Variants in CNTNAP3 observed in about 807,000 individuals in gnomAD.
CNTNAP3 encodes the protein contactin associated protein family member 3, also known as contactin-associated protein-like 3.
A neutral mutation model predicts 92.1 loss-of-function variants in CNTNAP3; 36 were observed. The observed-to-expected ratio is 0.39, with a 90% CI of 0.30 to 0.52. CNTNAP3 has a LOEUF of 0.52. Among genes scored for constraint, CNTNAP3 ranks in the 20% least tolerant of loss-of-function variants. The pLI is 0.76. For synonymous variants in CNTNAP3, 232 were observed against 422.3 expected (o/e 0.55, Z 5.53); for missense variants, 534 against 1,069.6 (o/e 0.50, Z 6.98).
At chr9:39,089,957 TGA>T (rs1336086464) in intron 18 of CNTNAP3, among the ~76,000 whole-genome samples, 1 of 152,192 alleles carries the variant, frequency 6.6e-6, no homozygotes, top group Non-Finnish European at 1.5e-5. Flanking sequence ...TTTGTTTTCT[TGA>T]GACAGAGTCT....
At chr9:39,154,811 G>A (rs751042739) in intron 9 of CNTNAP3, 15 of 183,516 alleles carry the variant, frequency 8.2e-5, no homozygotes, top group East Asian at 3.6e-4. Flanking sequence ...GCAGAAGCGC[G>A]GCTTCCGGGA....
At chr9:39,120,894 A>G (rs1316993806) in intron 13 of CNTNAP3, among the ~76,000 whole-genome samples, 3 of 152,160 alleles carry the variant, frequency 2.0e-5, no homozygotes, top group African/African-American at 7.2e-5. Flanking sequence ...ATGATAATTG[A>G]CACAAAAATT....
chr9:39,091,073 T>C (rs1045374364), intron 18 of CNTNAP3, among the ~76,000 whole-genome samples: 2 of 152,216 alleles, frequency 1.3e-5, no homozygotes, highest in Non-Finnish European at 2.9e-5. Context: ...TTTTAATAGT[T>C]CTAAGTAGAT....
rs1284331545 is a variant in CNTNAP3, at chr9:39,069,842, C to T, written c.*4048G>A. 1.3e-5 allele frequency among the ~76,000 whole-genome samples: 2 copies of T among 152,128 alleles called. No homozygotes were observed. The highest frequency in any genetic ancestry group is 4.8e-5 in the African/African-American group (2 of 41,454). On this transcript the variant is annotated 3_prime_UTR_variant, in exon 24 of 24. Coordinates refer to ENST00000297668, the MANE Select transcript of CNTNAP3 (RefSeq NM_033655.5). The stretch of plus-strand genomic sequence containing the variant: ...TGTGAAGGAAGAGAAAAGCGTTGGA[C>T]TCTATGATATTTAATGTCTTTACCA...
At chr9:39,109,044 C>G (rs980269707) in intron 15 of CNTNAP3, 116 bp downstream of exon 15, 2 of 1,447,572 alleles carry the variant, frequency 1.4e-6, no homozygotes, top group East Asian at 5.0e-5. Flanking sequence ...CTGATATTCG[C>G]CCCAGTCCTA....
intron 12 of CNTNAP3, among the ~76,000 whole-genome samples, chr9:39,135,463 T>C (rs1293545602): frequency 7.2e-5 from 11 of 152,078 alleles, no homozygotes; most frequent in African/African-American, 2.2e-4. Context: ...CACTGGAGGC[T>C]GTCTCACTAG....
chr9:39,100,258 GTCAAAA>G, intron 17 of CNTNAP3, 108 bp from the exon 18 acceptor site: 5 of 1,543,026 alleles, frequency 3.2e-6, no homozygotes, highest in Non-Finnish European at 3.5e-6. Flanking sequence ...ATCACAATGT[GTCAAAA>G]AATTTTGTGA....
intron 13 of CNTNAP3, among the ~76,000 whole-genome samples, chr9:39,119,355 C>CAAA (rs35344011): frequency 0.034 from 3,391 of 101,164 alleles, 104 homozygotes; most frequent in East Asian, 0.11. Context: ...GCCCCTCTGC[C>CAAA]AAAAAAAAAA....
In CNTNAP3 at chr9:39,132,774, G is replaced by A. The variant is rs1010780961; in HGVS notation, c.2080+158C>T. On this transcript the variant is annotated intron_variant, in intron 13 of 23. Transcript: ENST00000297668. ...GGAAGGCGCTCTTGAATGCTCTTTG[G>A]TCCAACCAAGAGCGGGAAGAGAAGG... Among the ~76,000 whole-genome samples the A allele has an allele frequency of 3.0e-4, 45 of 152,130 alleles. 1 individual carries two copies. Among genetic ancestry groups the A allele is most frequent in the Admixed American group, 2.7e-3 (41 of 15,274 alleles).
At position 39,112,402 on chromosome 9, in the gene CNTNAP3, G is replaced by T. The variant is rs539786254; in HGVS notation, c.2238-3115C>A. On this transcript the variant is annotated intron_variant, in intron 14 of 23. Transcript: ENST00000297668. Reference sequence around the variant, plus strand: ...TTCTTTGAGACAGAGTCTCACTCTTGTCGCCCAGGTTGGAGTGCAATGGTG... The same window carrying T: ...TTCTTTGAGACAGAGTCTCACTCTTTTCGCCCAGGTTGGAGTGCAATGGTG... Among the ~76,000 whole-genome samples, 19 of 151,652 alleles carry T rather than the reference G, an allele frequency of 1.3e-4. No individual in the cohort carries two copies. The South Asian group carries it at 3.3e-3, about 27-fold the overall frequency.
intron 13 of CNTNAP3, among the ~76,000 whole-genome samples, chr9:39,121,194 G>A (rs565126840): frequency 2.0e-5 from 3 of 151,748 alleles, no homozygotes; most frequent in South Asian, 2.1e-4. Context: ...AACATAGGCA[G>A]GTTAAAAGTA....
At chr9:39,075,757 A>G (rs1385559276) in intron 23 of CNTNAP3, among the ~76,000 whole-genome samples, 1 of 152,296 alleles carries the variant, frequency 6.6e-6, no homozygotes, top group East Asian at 1.9e-4. Flanking sequence ...CCACAAATGT[A>G]TTGTTGAAGA....
At chr9:39,120,131 A>T (rs1820977688) in intron 13 of CNTNAP3, among the ~76,000 whole-genome samples, 1 of 152,214 alleles carries the variant, frequency 6.6e-6, no homozygotes, top group Admixed American at 6.5e-5. Flanking sequence ...TAAACCCAAA[A>T]ATATCGACAC....
intron 18 of CNTNAP3, among the ~76,000 whole-genome samples, chr9:39,089,995 A>AGTGG (rs2118435657): frequency 6.6e-6 from 1 of 152,236 alleles, no homozygotes; most frequent in Non-Finnish European, 1.5e-5. Flanking sequence ...GCTGGAGTGC[A>AGTGG]GTGGCGTGAT....
chr9:39,090,655 T>C (rs888295038), intron 18 of CNTNAP3, among the ~76,000 whole-genome samples: 15 of 152,414 alleles, frequency 9.8e-5, no homozygotes, highest in African/African-American at 3.6e-4. Flanking sequence ...ATCAAATTTC[T>C]TCTTCTTAAA....
intron 21 of CNTNAP3, among the ~76,000 whole-genome samples, chr9:39,082,358 CA>C (rs1258970413): frequency 1.3e-5 from 2 of 151,692 alleles, no homozygotes; most frequent in Non-Finnish European, 2.9e-5. Context: ...CAAGTTAGAA[CA>C]ATCTTAGAAT....
At chr9:39,094,364 T>C (rs1382903973) in intron 18 of CNTNAP3, among the ~76,000 whole-genome samples, 2 of 151,688 alleles carry the variant, frequency 1.3e-5, no homozygotes, top group South Asian at 2.1e-4. Context: ...TTAATTTTGA[T>C]AAAGTCCAAA....
intron 13 of CNTNAP3, among the ~76,000 whole-genome samples, chr9:39,121,183 A>G (rs1318149730): frequency 1.3e-5 from 2 of 152,096 alleles, no homozygotes; most frequent in Non-Finnish European, 2.9e-5. Flanking sequence ...ACTTCAAAAT[A>G]AACATAGGCA....
At chr9:39,107,381 A>AGAGG (rs556174132) in intron 15 of CNTNAP3, among the ~76,000 whole-genome samples, 1,499 of 136,888 alleles carry the variant, frequency 0.011, 2 homozygotes, top group African/African-American at 0.019. Context: ...AGGGAGAGAA[A>AGAGG]GAGGGAGGGA....
Sources: allele counts gnomAD v4.1 joint callset (sites outside exome capture counted in the v4.1 genomes callset), GRCh38; gene constraint gnomAD v4.1.1; transcripts MANE v1.5; gene names NCBI Gene and HGNC (gene_info 2026-07-23, HGNC 2026-07-21).